PBX4: variants seen among roughly 807,000 people sequenced by gnomAD.
The protein encoded by PBX4 is pre-B-cell leukemia transcription factor 4.
A neutral mutation model predicts 35.1 loss-of-function variants in PBX4; 26 were observed. That is an observed-to-expected ratio of 0.74 (90% confidence interval 0.54 to 1.03). The LOEUF is 1.03. PBX4 is among the 50% of genes least tolerant of loss of function. PBX4 has a pLI of 0.00. For missense variants in PBX4, 448 were observed against 504.3 expected, an observed-to-expected ratio of 0.89 and a Z score of 1.07; for synonymous variants, 199 against 204.2, an observed-to-expected ratio of 0.97 and a Z score of 0.22.
At position 19,618,492 on chromosome 19, in the gene PBX4, C is replaced by G. The variant is rs2061699718; in HGVS notation, c.119+19G>C. On this transcript the variant is annotated intron_variant, in intron 1 of 7. Coordinates refer to ENST00000251203, the MANE Select transcript of PBX4 (RefSeq NM_025245.3). ...CTGCCACGACCCTGCGTGGCCCCTG[C>G]CGAGCCCGCGGGCAGCACCTGGCCT... The G allele has an allele frequency of 6.9e-7, 1 of 1,459,354 alleles. No individual in the cohort carries two copies. The highest frequency in any genetic ancestry group is 2.8e-5 in the East Asian group (1 of 35,532). 90.4% of individuals were successfully genotyped at this position (1,459,354 alleles called of 1,614,324 possible).
chr19:19,597,321 T>G (rs2061567330), intron 2 of PBX4, among the ~76,000 whole-genome samples: 2 of 152,238 alleles, frequency 1.3e-5, no homozygotes, highest in East Asian at 3.8e-4. Flanking sequence ...AATTTCTCCT[T>G]TAGTCACCAG....
At chr19:19,592,153 G>C (rs1439388617) in intron 2 of PBX4, among the ~76,000 whole-genome samples, 1 of 152,160 alleles carries the variant, frequency 6.6e-6, no homozygotes, top group African/African-American at 2.4e-5. Context: ...AAAGTGCTGG[G>C]ATTATAGGCG....
At chr19:19,606,162 T>C (rs952258697) in intron 1 of PBX4, among the ~76,000 whole-genome samples, 1 of 152,204 alleles carries the variant, frequency 6.6e-6, no homozygotes, top group Admixed American at 6.6e-5. Flanking sequence ...GTTCAGGAAG[T>C]ACCTGTGACT....
At chr19:19,613,445 CAAAAAAAAAA>C (rs57256131) in intron 1 of PBX4, among the ~76,000 whole-genome samples, 5,681 of 113,502 alleles carry the variant, frequency 0.05, 165 homozygotes, top group Non-Finnish European at 0.08. Context: ...GACTCTGTCT[CAAAAAAAAAA>C]AAAAAAAAAA....
chr19:19,579,806 G>A (rs1411967576), intron 2 of PBX4: 9 of 152,350 alleles, frequency 5.9e-5, no homozygotes, highest in African/African-American at 2.2e-4. Flanking sequence ...AGCCCATCAG[G>A]GTATGGGACT....
At chr19:19,599,914 A>G (rs2061586308) in intron 1 of PBX4, among the ~76,000 whole-genome samples, 1 of 150,894 alleles carries the variant, frequency 6.6e-6, no homozygotes, top group South Asian at 2.1e-4. Context: ...CAGAGGTTGC[A>G]GTGAGCCGAG....
Position 19,569,572 on chromosome 19 carries a change from C to T in PBX4, c.645G>A (p.Arg215=). The T allele has an allele frequency of 6.2e-7, 1 of 1,613,510 alleles. No individual in the cohort carries two copies. The highest frequency in any genetic ancestry group is 8.5e-7 in the Non-Finnish European group (1 of 1,179,724). ...CTTCCGTCGCCTGCTTGCTGAAATT[C>T]CGCCGCTTGCGCCTGCAAAAACAGC... ...SRLLDARRKR[R]NFSKQATEVL... Residue 215 remains arginine (R), a synonymous_variant, in exon 5 of 8, where the codon CGG becomes CGA. Coordinates refer to ENST00000251203, the MANE Select transcript of PBX4 (RefSeq NM_025245.3).
In PBX4 at chr19:19,561,945, G is replaced by T; in HGVS notation, c.*80C>A. The T allele has an allele frequency of 7.8e-7, 1 of 1,277,496 alleles. No homozygotes were observed. The highest frequency in any genetic ancestry group is 1.1e-6 in the Non-Finnish European group (1 of 921,822). 79.1% of individuals were successfully genotyped at this position (1,277,496 alleles called of 1,614,324 possible). On this transcript the variant is annotated 3_prime_UTR_variant, in exon 8 of 8. Transcript: ENST00000251203. ...CCCATCTGGGTTTTCTGAGGTCGTC[G>T]GCGGCACGTTCAGTAACAAAGCAAC...
chr19:19,610,542 G>C (rs1329910390), intron 1 of PBX4, among the ~76,000 whole-genome samples: 1 of 152,090 alleles, frequency 6.6e-6, no homozygotes, highest in Non-Finnish European at 1.5e-5. Context: ...TTTGAGGTCA[G>C]GAGTTCAAGA....
chr19:19,602,761 A>G (rs755637750), intron 1 of PBX4, among the ~76,000 whole-genome samples: 2 of 151,706 alleles, frequency 1.3e-5, no homozygotes, highest in Non-Finnish European at 2.9e-5. Context: ...TTGCTTTGAC[A>G]TTGTGGGGCT....
At chr19:19,573,601 T>C (rs1366441982) in intron 2 of PBX4, among the ~76,000 whole-genome samples, 2 of 152,160 alleles carry the variant, frequency 1.3e-5, no homozygotes, top group Admixed American at 6.6e-5. Context: ...AAATTAGACA[T>C]AAATTTGTCT....
chr19:19,587,745 C>T (rs1308042603), intron 2 of PBX4, among the ~76,000 whole-genome samples: 2 of 151,086 alleles, frequency 1.3e-5, no homozygotes, highest in South Asian at 2.1e-4. Flanking sequence ...ACTACTCAAG[C>T]AGAAGACTAA....
chr19:19,612,838 CTT>C (rs11299597), intron 1 of PBX4, among the ~76,000 whole-genome samples: 2 of 147,576 alleles, frequency 1.4e-5, no homozygotes, highest in Non-Finnish European at 1.5e-5. Flanking sequence ...CATTTAATTT[CTT>C]TTTTTTTTTT....
chr19:19,615,263 C>T (rs1302706048), intron 1 of PBX4, among the ~76,000 whole-genome samples: 2 of 149,820 alleles, frequency 1.3e-5, no homozygotes, highest in Non-Finnish European at 3.0e-5. Flanking sequence ...GTGAAGATTG[C>T]TTGGGCCCAG....
At chr19:19,607,065 T>C (rs1354361311) in intron 1 of PBX4, among the ~76,000 whole-genome samples, 3 of 152,144 alleles carry the variant, frequency 2.0e-5, no homozygotes, top group African/African-American at 7.2e-5. Context: ...TTTTTTTGTT[T>C]GTTTTTGAGA....
At chr19:19,573,044 G>A (rs924043192) in intron 2 of PBX4, among the ~76,000 whole-genome samples, 2 of 151,570 alleles carry the variant, frequency 1.3e-5, no homozygotes, top group Non-Finnish European at 2.9e-5. Flanking sequence ...AGTGGCTCAC[G>A]CCTGTAATCC....
intron 6 of PBX4, among the ~76,000 whole-genome samples, chr19:19,564,456 G>A (rs905141213): frequency 6.6e-6 from 1 of 152,068 alleles, no homozygotes; most frequent in South Asian, 2.1e-4. Context: ...GTGGAGATGG[G>A]GTTTCACTGT....
intron 1 of PBX4, 99 bp downstream of exon 1, chr19:19,618,412 A>G: frequency 8.8e-7 from 1 of 1,140,092 alleles, no homozygotes; most frequent in South Asian, 2.3e-5. Flanking sequence ...GCCCTCCTCA[A>G]GCGCCCCTCG....
chr19:19,577,636 G>A (rs1208929946), intron 2 of PBX4, among the ~76,000 whole-genome samples: 3 of 152,070 alleles, frequency 2.0e-5, no homozygotes, highest in African/African-American at 4.8e-5. Flanking sequence ...GGAGGTGGGT[G>A]GATCTTGAGG....
Sources: allele counts gnomAD v4.1 joint callset (sites outside exome capture counted in the v4.1 genomes callset), GRCh38; gene constraint gnomAD v4.1.1; transcripts MANE v1.5; gene names NCBI Gene and HGNC (gene_info 2026-07-23, HGNC 2026-07-21).